EDA: variants seen among roughly 807,000 people sequenced by gnomAD.
EDA encodes the protein ectodysplasin-A.
Under a neutral mutation model 23.6 loss-of-function variants are expected in EDA, and 2 were observed. The observed-to-expected ratio is 0.08, with a 90% CI of 0.03 to 0.27. The LOEUF (loss-of-function observed/expected upper bound fraction) is 0.27. Among genes scored for constraint, EDA ranks in the 10% least tolerant of loss-of-function variants. The pLI, the probability that EDA is intolerant of heterozygous loss-of-function variation, is 1.00. For synonymous variants in EDA, 131 were observed against 132.0 expected, an observed-to-expected ratio of 0.99 and a Z score of 0.05; for missense variants, 229 against 324.2, an observed-to-expected ratio of 0.71 and a Z score of 2.26.
chrX:69,828,426 G>T (rs1219576267), intron 1 of EDA, among the ~76,000 whole-genome samples: 1 of 112,203 alleles, frequency 8.9e-6, no homozygotes, highest in Non-Finnish European at 1.9e-5. Context: ...AAGCCCATTG[G>T]AAAAGCGCAG....
chrX:69,696,006 G>A (rs2011328064), intron 1 of EDA, among the ~76,000 whole-genome samples: 1 of 110,229 alleles, frequency 9.1e-6, no homozygotes, highest in Non-Finnish European at 1.9e-5. Flanking sequence ...TTGGGAGGCC[G>A]AGGTGGGTGG....
chrX:69,874,263 G>A (rs2017609618), intron 1 of EDA, among the ~76,000 whole-genome samples: 1 of 110,617 alleles, frequency 9.0e-6, no homozygotes, highest in South Asian at 3.9e-4. Flanking sequence ...GGTGACCTGA[G>A]ATTGTGCCAT....
chrX:69,879,576 T>C (rs2017710946), intron 1 of EDA, among the ~76,000 whole-genome samples: 1 of 111,941 alleles, frequency 8.9e-6, no homozygotes, highest in African/African-American at 3.2e-5. Flanking sequence ...TGCTGCTGCC[T>C]CTATAATGGA....
At chrX:69,996,882 C>T (rs2019664655) in intron 2 of EDA, among the ~76,000 whole-genome samples, 1 of 112,425 alleles carries the variant, frequency 8.9e-6, no homozygotes, top group African/African-American at 3.2e-5. Flanking sequence ...GCTTGACTGT[C>T]ATTCTTTCTC....
intron 1 of EDA, among the ~76,000 whole-genome samples, chrX:69,699,839 TTA>T (rs2011482964): frequency 9.0e-6 from 1 of 110,593 alleles, no homozygotes; most frequent in Non-Finnish European, 1.9e-5. Context: ...GAGAGGGCCT[TTA>T]GCAGGGTTTA....
intron 1 of EDA, among the ~76,000 whole-genome samples, chrX:69,786,502 G>A (rs1477133633): frequency 1.4e-4 from 15 of 107,108 alleles, no homozygotes; most frequent in African/African-American, 2.4e-4. Context: ...CTTTGTTCTC[G>A]TTGGTTTCAA....
At chrX:69,823,691 C>G (rs1240839080) in intron 1 of EDA, among the ~76,000 whole-genome samples, 1 of 97,244 alleles carries the variant, frequency 1.0e-5, no homozygotes, top group East Asian at 3.6e-4. Flanking sequence ...TACAGAAGCT[C>G]TTTAGTTTAA....
chrX:69,638,543 T>G (rs1381488118), intron 1 of EDA, among the ~76,000 whole-genome samples: 1 of 112,206 alleles, frequency 8.9e-6, no homozygotes, highest in Admixed American at 9.4e-5. Flanking sequence ...TTGATAACTG[T>G]GCAAATGATT....
chrX:69,791,144 T>G (rs1420446780), intron 1 of EDA, among the ~76,000 whole-genome samples: 1 of 111,845 alleles, frequency 8.9e-6, no homozygotes, highest in Non-Finnish European at 1.9e-5. Flanking sequence ...CTTCAACAAA[T>G]ATCAATTCAT....
At chrX:69,695,269 G>A (rs2011294497) in intron 1 of EDA, among the ~76,000 whole-genome samples, 1 of 109,633 alleles carries the variant, frequency 9.1e-6, no homozygotes, top group Admixed American at 9.8e-5. Flanking sequence ...GCAGTGAGCT[G>A]AGATCGCACC....
intron 1 of EDA, among the ~76,000 whole-genome samples, chrX:69,656,200 T>C (rs1053456659): frequency 1.3e-4 from 15 of 111,170 alleles, no homozygotes; most frequent in African/African-American, 4.6e-4. Context: ...AAAACCTATA[T>C]TGAGGCATTT....
At chrX:69,822,179 G>A (rs974440488) in intron 1 of EDA, among the ~76,000 whole-genome samples, 3 of 110,577 alleles carry the variant, frequency 2.7e-5, no homozygotes, top group Non-Finnish European at 5.7e-5. Flanking sequence ...TAGCTACTTG[G>A]GAAGCAGATG....
chrX:69,963,710 C>A (rs894257616), intron 2 of EDA, among the ~76,000 whole-genome samples: 7 of 111,851 alleles, frequency 6.3e-5, no homozygotes, highest in African/African-American at 2.3e-4. Flanking sequence ...GGTTAACAAG[C>A]ATTTTTAGAA....
chrX:69,894,437 G>C (rs367715927), intron 1 of EDA, among the ~76,000 whole-genome samples: 1 of 111,676 alleles, frequency 9.0e-6, no homozygotes, highest in Admixed American at 9.5e-5. Flanking sequence ...TTCTAATTCT[G>C]TGAAGAATAT....
intron 1 of EDA, chrX:69,749,774 A>G (rs2013751638): frequency 9.0e-6 from 1 of 111,135 alleles, no homozygotes; most frequent in Non-Finnish European, 1.9e-5. Flanking sequence ...TAACAACACT[A>G]AACTACATAC....
intron 4 of EDA, among the ~76,000 whole-genome samples, chrX:70,028,266 GCC>G (rs1361601348): frequency 1.8e-5 from 2 of 111,344 alleles, no homozygotes; most frequent in Admixed American, 9.5e-5. Flanking sequence ...ACCTGTTCTT[GCC>G]CCATCTCAAC....
chrX:69,888,399 C>A (rs1325764249), intron 1 of EDA, among the ~76,000 whole-genome samples: 1 of 109,101 alleles, frequency 9.2e-6, no homozygotes, highest in Non-Finnish European at 1.9e-5. Context: ...ACCTACAAAG[C>A]AACCAGAAAA....
chrX:69,656,077 G>T (rs1933312506), intron 1 of EDA, among the ~76,000 whole-genome samples: 1 of 109,472 alleles, frequency 9.1e-6, no homozygotes, highest in African/African-American at 3.3e-5. Flanking sequence ...TGCCTTGTCT[G>T]TGCCTCTCAG....
At chrX:69,829,082 G>A (rs1218558601) in intron 1 of EDA, among the ~76,000 whole-genome samples, 1 of 112,115 alleles carries the variant, frequency 8.9e-6, no homozygotes, top group Non-Finnish European at 1.9e-5. Context: ...TTCCTTCAGG[G>A]AAATGATTAT....
Sources: gnomAD v4.1 joint callset for allele counts (sites outside exome capture counted in the v4.1 genomes callset) on GRCh38, gnomAD v4.1.1 for gene constraint, MANE v1.5 for transcripts, NCBI Gene and HGNC (gene_info 2026-07-23, HGNC 2026-07-21) for gene names.